TSPAN18: variants seen among roughly 807,000 people sequenced by gnomAD.
The protein encoded by TSPAN18 is tetraspanin 18.
A neutral mutation model predicts 27.3 loss-of-function variants in TSPAN18; 14 were observed. The observed-to-expected ratio is 0.51, with a 90% CI of 0.34 to 0.80. TSPAN18 has a LOEUF of 0.80. TSPAN18 is among the 30% of genes least tolerant of loss of function. The probability of loss-of-function intolerance (pLI) is 0.01; values close to 1 mark genes in which losing one functional copy is unlikely to be tolerated. For missense variants in TSPAN18, 268 were observed against 323.9 expected (o/e 0.83, Z 1.32); for synonymous variants, 143 against 136.5 (o/e 1.05, Z -0.33).
At position 44,751,585 on chromosome 11, in the gene TSPAN18, C is replaced by T. The variant is rs117655308; in HGVS notation, c.-239-12841C>T. Among the ~76,000 whole-genome samples the T allele has an allele frequency of 9.9e-5, 15 of 152,178 alleles. 1 individual carries two copies. The East Asian group carries it at 2.9e-3, about 29-fold the overall frequency. On this transcript the variant is annotated intron_variant, in intron 1 of 9. Transcript: ENST00000520358. ...TTAGAAGGGAGTGCGATTGTTTCTG[C>T]GTTTAAATAATAATGTTTATCACTT...
intron 3 of TSPAN18, among the ~76,000 whole-genome samples, chr11:44,872,377 T>TG (rs948949818): frequency 1.1e-4 from 17 of 152,332 alleles, no homozygotes; most frequent in African/African-American, 4.1e-4. Flanking sequence ...TTTGGGTGTA[T>TG]GGAAGCATAA....
chr11:44,774,441 G>T (rs1855758443), intron 2 of TSPAN18, among the ~76,000 whole-genome samples: 1 of 152,206 alleles, frequency 6.6e-6, no homozygotes, highest in Admixed American at 6.5e-5. Flanking sequence ...CAGGCTTTGG[G>T]CTGACTGCTG....
chr11:44,888,417 C>T (rs1435934518), intron 3 of TSPAN18, among the ~76,000 whole-genome samples: 1 of 152,112 alleles, frequency 6.6e-6, no homozygotes, highest in Non-Finnish European at 1.5e-5. Flanking sequence ...ATGACACTGA[C>T]AACATTATTA....
chr11:44,767,792 A>G (rs566331208), intron 2 of TSPAN18, among the ~76,000 whole-genome samples: 1 of 152,358 alleles, frequency 6.6e-6, no homozygotes, highest in East Asian at 1.9e-4. Flanking sequence ...AGTGTGAGGT[A>G]GGGATTCAGT....
chr11:44,784,265 A>G (rs1856005738), intron 2 of TSPAN18, among the ~76,000 whole-genome samples: 1 of 152,058 alleles, frequency 6.6e-6, no homozygotes, highest in South Asian at 2.1e-4. Context: ...CTGTAGTTAG[A>G]CTGTGGGGCT....
chr11:44,732,688 C>T (rs369889490), intron 1 of TSPAN18, among the ~76,000 whole-genome samples: 2 of 151,940 alleles, frequency 1.3e-5, no homozygotes, highest in Admixed American at 6.6e-5. Context: ...GGGGTTAGAG[C>T]GGGGAATGAT....
intron 3 of TSPAN18, among the ~76,000 whole-genome samples, chr11:44,889,927 C>T (rs752761422): frequency 6.6e-6 from 1 of 152,190 alleles, no homozygotes; most frequent in South Asian, 2.1e-4. Flanking sequence ...GGGGCTTTTC[C>T]GATGCTGACT....
intron 2 of TSPAN18, among the ~76,000 whole-genome samples, chr11:44,799,893 C>G (rs569195647): frequency 1.3e-5 from 2 of 152,090 alleles, no homozygotes; most frequent in Admixed American, 6.5e-5. Flanking sequence ...TGCAGTGGCA[C>G]GATCTTGGCT....
chr11:44,897,827 A>G, intron 3 of TSPAN18: 1 of 1,289,426 alleles, frequency 7.8e-7, no homozygotes, highest in Non-Finnish European at 1.0e-6. Flanking sequence ...AGAACTGCCC[A>G]GGTGACACAT....
chr11:44,891,030 G>A (rs1022848954), intron 3 of TSPAN18, among the ~76,000 whole-genome samples: 1 of 152,072 alleles, frequency 6.6e-6, no homozygotes, highest in Admixed American at 6.5e-5. Context: ...AATTAGCTGC[G>A]CATAGTGGCA....
intron 1 of TSPAN18, among the ~76,000 whole-genome samples, chr11:44,752,177 T>TG (rs1855226162): frequency 6.6e-6 from 1 of 152,158 alleles, no homozygotes; most frequent in South Asian, 2.1e-4. Flanking sequence ...GATCTGACCT[T>TG]CCAGGAAATC....
chr11:44,915,765 G>A (rs1466050989), intron 5 of TSPAN18, among the ~76,000 whole-genome samples: 2 of 152,216 alleles, frequency 1.3e-5, no homozygotes, highest in Non-Finnish European at 2.9e-5. Context: ...GCTCCAAAGA[G>A]CTCTGCACCT....
chr11:44,729,422 C>T (rs1180485471), intron 1 of TSPAN18, among the ~76,000 whole-genome samples: 1 of 152,152 alleles, frequency 6.6e-6, no homozygotes, highest in Non-Finnish European at 1.5e-5. Flanking sequence ...TACCCCCACC[C>T]CACTTTTCCT....
At chr11:44,904,230 G>T (rs1273026197) in intron 3 of TSPAN18, among the ~76,000 whole-genome samples, 2 of 152,218 alleles carry the variant, frequency 1.3e-5, no homozygotes, top group Non-Finnish European at 2.9e-5. Context: ...TGTCCCAGGT[G>T]GGCTCTGAGT....
chr11:44,799,294 A>G (rs993013992), intron 2 of TSPAN18, among the ~76,000 whole-genome samples: 5 of 151,140 alleles, frequency 3.3e-5, no homozygotes, highest in Admixed American at 3.3e-4. Context: ...TTGTCTGCCT[A>G]AGGAGCCTGT....
Position 44,919,165 on chromosome 11 carries a change from G to A in TSPAN18, c.334-49G>A, listed in dbSNP as rs114659049. ...GATGGAGAGACGATGGAGGGTGGGG[G>A]CTGCACCCAACTGCCAGGCCTAAGC... On this transcript the variant is annotated intron_variant, in intron 6 of 9. Transcript: ENST00000520358. The A allele has an allele frequency of 1.8e-3, 2,566 of 1,456,744 alleles. 26 individuals carry two copies. The African/African-American group carries it at 0.031, about 18-fold the overall frequency. The allele number at this position is 1,456,744 out of a possible 1,614,324, so 90.2% of individuals were successfully genotyped here. A position where few individuals can be genotyped will look rare whatever the true frequency, so the allele number is the denominator to read the frequency against.
intron 4 of TSPAN18, among the ~76,000 whole-genome samples, chr11:44,908,792 A>AAAG (rs1381578389): frequency 1.4e-5 from 1 of 69,076 alleles, no homozygotes; most frequent in Admixed American, 1.9e-4. Context: ...AGAAAGAAAG[A>AAAG]AAGAAAGAAA....
At chr11:44,791,474 C>G (rs964352095) in intron 2 of TSPAN18, among the ~76,000 whole-genome samples, 21 of 152,216 alleles carry the variant, frequency 1.4e-4, no homozygotes, top group Admixed American at 1.1e-3. Context: ...AGGCTAGAAG[C>G]CTTGGCAATG....
intron 4 of TSPAN18, among the ~76,000 whole-genome samples, chr11:44,907,347 G>T (rs915009473): frequency 1.3e-5 from 2 of 152,182 alleles, no homozygotes; most frequent in Non-Finnish European, 2.9e-5. Flanking sequence ...CAAGACCTGG[G>T]TGAATAAACC....
Sources: allele counts gnomAD v4.1 joint callset (sites outside exome capture counted in the v4.1 genomes callset), GRCh38; gene constraint gnomAD v4.1.1; transcripts MANE v1.5; gene names NCBI Gene and HGNC (gene_info 2026-07-23, HGNC 2026-07-21).